Variants in HS3ST4 observed in about 807,000 individuals in gnomAD.
The protein encoded by HS3ST4 is heparan sulfate-glucosamine 3-sulfotransferase 4, also known as heparan sulfate glucosamine 3-O-sulfotransferase 4.
Under a neutral mutation model 29.2 loss-of-function variants are expected in HS3ST4, and 17 were observed. The ratio of observed to expected loss-of-function variants is 0.58; its 90% CI spans 0.40 to 0.87. The LOEUF (loss-of-function observed/expected upper bound fraction) is 0.87, where lower values mean the gene tolerates loss of function less well. HS3ST4 is among the 40% of genes least tolerant of loss of function. HS3ST4 has a pLI of 0.00. For synonymous variants in HS3ST4, 314 were observed against 285.7 expected (o/e 1.10, Z -1.00); for missense variants, 627 against 634.5 (o/e 0.99, Z 0.13).
chr16:25,955,375 A>G (rs946343506), intron 1 of HS3ST4, among the ~76,000 whole-genome samples: 1 of 152,186 alleles, frequency 6.6e-6, no homozygotes, highest in Non-Finnish European at 1.5e-5. Flanking sequence ...CTTCAGAATG[A>G]GTTTCTAATC....
chr16:25,877,909 A>G (rs1303880642), intron 1 of HS3ST4, among the ~76,000 whole-genome samples: 1 of 152,198 alleles, frequency 6.6e-6, no homozygotes, highest in African/African-American at 2.4e-5. Flanking sequence ...GTAATGATCA[A>G]AACAGTGTCC....
chr16:25,835,107 G>A (rs1239083425), intron 1 of HS3ST4, among the ~76,000 whole-genome samples: 5 of 152,280 alleles, frequency 3.3e-5, no homozygotes, highest in Middle Eastern at 6.8e-3. Context: ...TAAGTGATAG[G>A]TGTGTTGGTT....
chr16:25,903,479 A>G (rs1968143026), intron 1 of HS3ST4, among the ~76,000 whole-genome samples: 1 of 151,798 alleles, frequency 6.6e-6, no homozygotes, highest in African/African-American at 2.4e-5. Flanking sequence ...AACAATATGT[A>G]TATTGATATG....
At chr16:25,896,458 A>G (rs962088356) in intron 1 of HS3ST4, among the ~76,000 whole-genome samples, 1 of 152,232 alleles carries the variant, frequency 6.6e-6, no homozygotes, top group African/African-American at 2.4e-5. Context: ...ATACCGTGTC[A>G]CACCAGTCAG....
At chr16:25,759,661 A>G (rs1275602765) in intron 1 of HS3ST4, among the ~76,000 whole-genome samples, 2 of 152,204 alleles carry the variant, frequency 1.3e-5, no homozygotes, top group African/African-American at 4.8e-5. Flanking sequence ...TCAGTGGCCC[A>G]TGCCTGTCAT....
At chr16:25,750,188 G>T (rs980919522) in intron 1 of HS3ST4, among the ~76,000 whole-genome samples, 6 of 152,210 alleles carry the variant, frequency 3.9e-5, no homozygotes, top group African/African-American at 1.4e-4. Context: ...TGGTTGATTG[G>T]CGTTTCTACA....
At chr16:25,948,129 G>A (rs1968648169) in intron 1 of HS3ST4, among the ~76,000 whole-genome samples, 1 of 152,126 alleles carries the variant, frequency 6.6e-6, no homozygotes, top group South Asian at 2.1e-4. Flanking sequence ...ATACAGAACA[G>A]CTCCGACAGT....
chr16:25,697,037 C>T (rs983295019), intron 1 of HS3ST4, among the ~76,000 whole-genome samples: 4 of 152,192 alleles, frequency 2.6e-5, no homozygotes, highest in Admixed American at 2.6e-4. Flanking sequence ...TTTCAAAGGG[C>T]TGATTTCTTC....
intron 1 of HS3ST4, among the ~76,000 whole-genome samples, chr16:26,108,359 C>T (rs1157067240): frequency 6.6e-6 from 1 of 152,172 alleles, no homozygotes; most frequent in East Asian, 1.9e-4. Flanking sequence ...AATCAGGGAG[C>T]TCACTTTTCA....
chr16:25,961,507 C>G lies in HS3ST4; in HGVS notation c.735-174105C>G, dbSNP rs150069825. Among the ~76,000 whole-genome samples the G allele has an allele frequency of 9.8e-5, 15 of 152,306 alleles. No individual in the cohort carries two copies. In the South Asian group the frequency reaches 2.1e-3, roughly 21 times the overall value. On this transcript the variant is annotated intron_variant, in intron 1 of 1. Coordinates refer to ENST00000331351, the MANE Select transcript of HS3ST4 (RefSeq NM_006040.3). ...ATTGAGCACTTACTTGGTGCCCTAT[C>G]TCTTGCCAGACAATGGGCCTATGAA...
At chr16:25,737,623 C>T (rs1378617495) in intron 1 of HS3ST4, among the ~76,000 whole-genome samples, 2 of 152,048 alleles carry the variant, frequency 1.3e-5, no homozygotes, top group African/African-American at 4.8e-5. Flanking sequence ...TGAGATATTA[C>T]TTACTGGGTA....
At chr16:25,789,460 TTCC>T (rs1596571374) in intron 1 of HS3ST4, among the ~76,000 whole-genome samples, 1,067 of 38,372 alleles carry the variant, frequency 0.028, 11 homozygotes, top group Non-Finnish European at 0.036. Context: ...CCTTCCTTCC[TTCC>T]TTCCTTCTTT....
At chr16:25,775,410 A>G (rs776008854) in intron 1 of HS3ST4, among the ~76,000 whole-genome samples, 27 of 152,188 alleles carry the variant, frequency 1.8e-4, no homozygotes, top group Non-Finnish European at 3.4e-4. Context: ...TATATGGTTT[A>G]CTAGGAAAAG....
chr16:25,729,154 T>A (rs1966555378), intron 1 of HS3ST4, among the ~76,000 whole-genome samples: 2 of 152,042 alleles, frequency 1.3e-5, no homozygotes, highest in South Asian at 4.2e-4. Context: ...TCTGGATAGA[T>A]GGGACCCCAC....
chr16:25,964,597 A>G (rs538662657), intron 1 of HS3ST4, among the ~76,000 whole-genome samples: 28 of 152,314 alleles, frequency 1.8e-4, no homozygotes, highest in African/African-American at 6.7e-4. Context: ...GACCCCAGCT[A>G]GGAAATGATG....
At chr16:25,776,856 A>T (rs551094769) in intron 1 of HS3ST4, among the ~76,000 whole-genome samples, 1 of 152,202 alleles carries the variant, frequency 6.6e-6, no homozygotes, top group South Asian at 2.1e-4. Flanking sequence ...AAGTTTCTAC[A>T]TATCTTGGAG....
chr16:26,059,197 G>T (rs943852938), intron 1 of HS3ST4, among the ~76,000 whole-genome samples: 4 of 152,118 alleles, frequency 2.6e-5, no homozygotes, highest in African/African-American at 4.8e-5. Context: ...TGTCAGAGTG[G>T]CAGGTTCAAG....
chr16:25,703,200 C>T (rs1013436680), intron 1 of HS3ST4, among the ~76,000 whole-genome samples: 2 of 152,044 alleles, frequency 1.3e-5, no homozygotes, highest in Non-Finnish European at 2.9e-5. Context: ...AGCTGGTGCA[C>T]ATTAGTCAAT....
At chr16:25,722,669 G>A (rs189746133) in intron 1 of HS3ST4, among the ~76,000 whole-genome samples, 4 of 152,324 alleles carry the variant, frequency 2.6e-5, no homozygotes, top group Admixed American at 2.6e-4. Context: ...GGGCAGTGAG[G>A]CATCACAGGC....
Sources: allele counts gnomAD v4.1 joint callset (sites outside exome capture counted in the v4.1 genomes callset), GRCh38; gene constraint gnomAD v4.1.1; transcripts MANE v1.5; gene names NCBI Gene and HGNC (gene_info 2026-07-23, HGNC 2026-07-21).